Variants in TMEM245 observed in about 807,000 individuals in gnomAD.
TMEM245 encodes transmembrane protein 245.
A neutral mutation model predicts 101.2 loss-of-function variants in TMEM245; 69 were observed. That is an observed-to-expected ratio of 0.68 (90% CI 0.56 to 0.83). The LOEUF (loss-of-function observed/expected upper bound fraction) is 0.83, where lower values mean the gene tolerates loss of function less well. TMEM245 is among the 40% of genes least tolerant of loss of function. The pLI is 0.00. For missense variants in TMEM245, 1,075 were observed against 1,092.8 expected (o/e 0.98, Z 0.23); for synonymous variants, 537 against 449.8 (o/e 1.19, Z -2.45).
rs754134598 is a variant in TMEM245, at chr9:109,050,675, CCA to C, written c.1870_1871del (p.Trp624AspfsTer50). 2 of 1,612,476 alleles carry C rather than the reference CCA, an allele frequency of 1.2e-6. No homozygotes were observed. Among genetic ancestry groups the C allele is most frequent in the Non-Finnish European group, 1.7e-6 (2 of 1,179,758 alleles). ...GGCTCACATTCCGGCTCATAACGAT[CCA>C]CAGAGACTCCAAGATCTGACGAGGA... ...ETFLSILESL[W>X]IVMSRNVSLL... On this transcript the variant is annotated frameshift_variant, in exon 13 of 18. Coordinates refer to ENST00000374586, the MANE Select transcript of TMEM245 (RefSeq NM_032012.4). LOFTEE classifies it high-confidence loss of function.
Position 109,106,529 on chromosome 9 carries a change from G to C in TMEM245, c.778C>G (p.Gln260Glu). The change falls in exon 3 of 18, where the codon CAG (glutamine) becomes GAG (glutamate). Residue 260 changes from glutamine to glutamate, a missense_variant. Physicochemically the swap from Gln to Glu is conservative, Grantham distance 29. Transcript: ENST00000374586. ...TTACCAGAAGACTCTTTTCCATTCT[G>C]TTTTTCATAGAGGGTACCCACAGAC... ...LMSVGTLYEK[Q>E]NGKESSGAEL... The C allele has an allele frequency of 6.2e-7, 1 of 1,610,522 alleles. No individual in the cohort carries two copies. Among genetic ancestry groups the C allele is most frequent in the East Asian group, 2.2e-5 (1 of 44,800 alleles).
chr9:109,095,651 GTCT>G (rs1830121412), intron 3 of TMEM245, among the ~76,000 whole-genome samples: 2 of 152,310 alleles, frequency 1.3e-5, no homozygotes, highest in South Asian at 4.1e-4. Flanking sequence ...CAGGATAGTA[GTCT>G]TCTTCTCACT....
At chr9:109,033,227 G>C in intron 17 of TMEM245, 80 bp downstream of exon 17, 2 of 1,387,150 alleles carry the variant, frequency 1.4e-6, no homozygotes, top group Non-Finnish European at 1.9e-6. Context: ...TGACAAGTCT[G>C]GATGAAGCTA....
intron 9 of TMEM245, among the ~76,000 whole-genome samples, chr9:109,066,452 C>CAAAAAAAAAAAAAA (rs386415818): frequency 1.9e-5 from 1 of 52,482 alleles, no homozygotes; most frequent in African/African-American, 1.2e-4. Flanking sequence ...AAGACTGTCT[C>CAAAAAAAAAAAAAA]AAAAAAAAAA....
intron 6 of TMEM245, among the ~76,000 whole-genome samples, chr9:109,086,430 C>G (rs1428261891): frequency 6.6e-6 from 1 of 152,168 alleles, no homozygotes. Flanking sequence ...TTCTCATGAC[C>G]CTATGAACAG....
At chr9:109,098,159 T>C (rs990143377) in intron 3 of TMEM245, among the ~76,000 whole-genome samples, 1 of 152,158 alleles carries the variant, frequency 6.6e-6, no homozygotes, top group Non-Finnish European at 1.5e-5. Flanking sequence ...AAGCAAAATA[T>C]CTTGTATCTG....
At chr9:109,032,880 C>T (rs1828005184) in intron 17 of TMEM245, among the ~76,000 whole-genome samples, 1 of 148,302 alleles carries the variant, frequency 6.7e-6, no homozygotes, top group Admixed American at 6.8e-5. Flanking sequence ...CTCACTGCAG[C>T]CTCCGCCTCC....
chr9:109,020,221 TAAC>T lies in TMEM245; in HGVS notation c.*236_*238del. ...TAAAATGAAACTTTTCAAGCCATCT[TAAC>T]AACAGTTAAGTGAGCAAACCACCAA... On this transcript the variant is annotated 3_prime_UTR_variant, in exon 18 of 18. Transcript: ENST00000374586. 1.8e-6 allele frequency: 1 copy of T among 550,194 alleles called. No homozygotes were observed. 34.1% of individuals were successfully genotyped at this position (550,194 alleles called of 1,614,324 possible).
rs369586842 is a variant in TMEM245, at chr9:109,119,713, G to A, written c.201C>T (p.Cys67=). Residue 67 remains cysteine, a synonymous_variant, in exon 1 of 18, where the codon TGC becomes TGT. Transcript: ENST00000374586. ...TGAVLFVCLC[C]GAAVLVYFIL... is the part of the protein sequence containing the mutation. ...TGAAGTAGACCAGCACCGCGGCGCC[G>A]CAGCACAGGCACACGAACAGCACGG... The A allele has an allele frequency of 5.2e-6, 8 of 1,548,128 alleles. No individual in the cohort carries two copies. Among genetic ancestry groups the A allele is most frequent in the African/African-American group, 4.2e-5 (3 of 71,590 alleles).
At position 109,058,426 on chromosome 9, in the gene TMEM245, ATAAC is replaced by A. The variant is rs957941698; in HGVS notation, c.1723-1108_1723-1105del. Among the ~76,000 whole-genome samples the A allele has an allele frequency of 3.9e-4, 60 of 152,280 alleles. 1 individual carries two copies. The highest frequency in any genetic ancestry group is 1.4e-3 in the African/African-American group (57 of 41,560). ...GGAAGACATTGGCAGAGATATGAGA[ATAAC>A]TAAATTTGAAAGAGATAAGGGCCAG... On this transcript the variant is annotated intron_variant, in intron 11 of 17. Coordinates refer to ENST00000374586, the MANE Select transcript of TMEM245 (RefSeq NM_032012.4).
At chr9:109,031,139 C>G (rs1266564506) in intron 17 of TMEM245, among the ~76,000 whole-genome samples, 1 of 152,138 alleles carries the variant, frequency 6.6e-6, no homozygotes, top group Non-Finnish European at 1.5e-5. Context: ...ATTTCTGGCA[C>G]ATAACATAGA....
intron 14 of TMEM245, among the ~76,000 whole-genome samples, chr9:109,042,921 T>C (rs755792705): frequency 3.0e-4 from 44 of 149,052 alleles, no homozygotes; most frequent in African/African-American, 4.7e-4. Context: ...TCCTGGCTCA[T>C]TGCAACCTCC....
At chr9:109,114,250 T>A (rs193217131) in intron 1 of TMEM245, among the ~76,000 whole-genome samples, 6 of 152,362 alleles carry the variant, frequency 3.9e-5, no homozygotes, top group Admixed American at 3.3e-4. Context: ...AACATTTTTA[T>A]ATTCAAAGTC....
chr9:109,110,209 G>GA (rs1830532354), intron 1 of TMEM245, among the ~76,000 whole-genome samples: 1 of 152,034 alleles, frequency 6.6e-6, no homozygotes, highest in African/African-American at 2.4e-5. Context: ...GCAGAGCATA[G>GA]AAAAAAATCT....
chr9:109,042,660 T>A (rs1828347259), intron 14 of TMEM245, among the ~76,000 whole-genome samples: 1 of 152,064 alleles, frequency 6.6e-6, no homozygotes, highest in Admixed American at 6.6e-5. Context: ...AATTTTTTTA[T>A]TGAGATGAAG....
chr9:109,049,966 T>C (rs979608076), intron 14 of TMEM245, among the ~76,000 whole-genome samples: 1 of 152,094 alleles, frequency 6.6e-6, no homozygotes, highest in African/African-American at 2.4e-5. Context: ...ATTTTTAAAA[T>C]TTTTTTATAG....
At position 109,036,399 on chromosome 9, in the gene TMEM245, A is replaced by G. The variant is rs770971551; in HGVS notation, c.2225-19T>C. On this transcript the variant is annotated intron_variant, in intron 15 of 17. Coordinates refer to ENST00000374586, the MANE Select transcript of TMEM245 (RefSeq NM_032012.4). The stretch of plus-strand genomic sequence containing the variant: ...GCTAATGCTGAAAAAAGAGTAAAAG[A>G]AAAACAACTTAACATCATCAGCAAA... 1.9e-6 allele frequency: 3 copies of G among 1,562,682 alleles called. No individual in the cohort carries two copies. The highest frequency in any genetic ancestry group is 2.6e-6 in the Non-Finnish European group (3 of 1,160,002).
At chr9:109,115,268 G>C (rs887352007) in intron 1 of TMEM245, among the ~76,000 whole-genome samples, 8 of 151,846 alleles carry the variant, frequency 5.3e-5, no homozygotes, top group African/African-American at 1.9e-4. Flanking sequence ...TGCTTGAACC[G>C]GGGAGGCAGA....
chr9:109,102,227 C>A (rs1830299361), intron 3 of TMEM245, among the ~76,000 whole-genome samples: 1 of 151,954 alleles, frequency 6.6e-6, no homozygotes, highest in South Asian at 2.1e-4. Context: ...ACAGGCTGAA[C>A]AAAGAAAACT....
Sources: allele counts gnomAD v4.1 joint callset (sites outside exome capture counted in the v4.1 genomes callset), GRCh38; gene constraint gnomAD v4.1.1; transcripts MANE v1.5; gene names NCBI Gene and HGNC (gene_info 2026-07-23, HGNC 2026-07-21).